Variants in MIPOL1 observed in about 807,000 individuals in gnomAD.
MIPOL1 encodes the protein mirror-image polydactyly gene 1 protein.
A neutral mutation model predicts 60.9 loss-of-function variants in MIPOL1; 57 were observed. The ratio of observed to expected loss-of-function variants is 0.94; its 90% CI spans 0.76 to 1.17. The LOEUF is 1.17. MIPOL1 is among the 50% of genes most tolerant of loss of function. The pLI, the probability that MIPOL1 is intolerant of heterozygous loss-of-function variation, is 0.00. For synonymous variants in MIPOL1, 179 were observed against 168.8 expected, an observed-to-expected ratio of 1.06 and a Z score of -0.47; for missense variants, 551 against 511.6, an observed-to-expected ratio of 1.08 and a Z score of -0.74.
intron 11 of MIPOL1, among the ~76,000 whole-genome samples, chr14:37,432,336 A>G (rs1385418387): frequency 6.6e-6 from 1 of 152,170 alleles, no homozygotes; most frequent in African/African-American, 2.4e-5. Context: ...TCTGTTCTTT[A>G]TGTATAGCAA....
chr14:37,242,534 G>T (rs959000265), intron 1 of MIPOL1, among the ~76,000 whole-genome samples: 6 of 152,018 alleles, frequency 3.9e-5, no homozygotes. Context: ...TTGCATTTAT[G>T]ATATAAACCA....
intron 11 of MIPOL1, among the ~76,000 whole-genome samples, chr14:37,486,687 G>C (rs941911189): frequency 1.3e-5 from 2 of 152,140 alleles, no homozygotes; most frequent in South Asian, 2.1e-4. Flanking sequence ...TGTATCCTGA[G>C]ACTTTGCTGA....
intron 7 of MIPOL1, among the ~76,000 whole-genome samples, chr14:37,307,689 CA>C (rs999244270): frequency 6.6e-6 from 1 of 151,086 alleles, no homozygotes; most frequent in African/African-American, 2.4e-5. Context: ...TGATGGTGTC[CA>C]AAAAAAGAGA....
At chr14:37,523,865 A>G (rs554304808) in intron 12 of MIPOL1, among the ~76,000 whole-genome samples, 52 of 152,286 alleles carry the variant, frequency 3.4e-4, no homozygotes, top group South Asian at 8.3e-4. Context: ...GCAGATTAAG[A>G]TTTGTGGTAA....
intron 11 of MIPOL1, among the ~76,000 whole-genome samples, chr14:37,439,075 G>C (rs1003784113): frequency 6.6e-6 from 1 of 152,154 alleles, no homozygotes; most frequent in Non-Finnish European, 1.5e-5. Flanking sequence ...GTTAACAGAG[G>C]ATAAGATGCA....
At chr14:37,324,000 A>G (rs2088889975) in intron 9 of MIPOL1, among the ~76,000 whole-genome samples, 1 of 152,014 alleles carries the variant, frequency 6.6e-6, no homozygotes, top group Non-Finnish European at 1.5e-5. Context: ...GTTTTTATCT[A>G]TTATGATTAA....
chr14:37,208,425 A>G (rs1261100516), intron 1 of MIPOL1, among the ~76,000 whole-genome samples: 1 of 152,184 alleles, frequency 6.6e-6, no homozygotes, highest in Non-Finnish European at 1.5e-5. Flanking sequence ...AATAAATAAT[A>G]TAGAGAAATT....
At chr14:37,247,765 A>G (rs554621748) in intron 2 of MIPOL1, 64 bp from the exon 3 acceptor site, 7 of 804,074 alleles carry the variant, frequency 8.7e-6, no homozygotes, top group African/African-American at 7.2e-5. Flanking sequence ...AAACAAAGGT[A>G]AGATTTAGGT....
intron 11 of MIPOL1, among the ~76,000 whole-genome samples, chr14:37,455,659 A>G (rs967986853): frequency 1.3e-5 from 2 of 151,986 alleles, no homozygotes; most frequent in Non-Finnish European, 2.9e-5. Context: ...TCACCAGTCA[A>G]ATTAGGTGTG....
intron 12 of MIPOL1, among the ~76,000 whole-genome samples, chr14:37,537,701 T>C (rs567170704): frequency 2.6e-5 from 4 of 152,316 alleles, no homozygotes; most frequent in Non-Finnish European, 2.9e-5. Flanking sequence ...ATTTTGGAAT[T>C]CACGATTTGG....
intron 1 of MIPOL1, chr14:37,212,365 C>A (rs1003732000): frequency 6.6e-6 from 1 of 152,130 alleles, no homozygotes; most frequent in African/African-American, 2.4e-5. Flanking sequence ...GGGTGAGTCA[C>A]AACCCAGAAA....
At chr14:37,534,780 C>T (rs1030813186) in intron 12 of MIPOL1, among the ~76,000 whole-genome samples, 15 of 152,254 alleles carry the variant, frequency 9.9e-5, no homozygotes, top group African/African-American at 3.6e-4. Flanking sequence ...TCTTCTGTTA[C>T]GTACTTTCCT....
At chr14:37,422,173 C>T (rs1041195723) in intron 10 of MIPOL1, among the ~76,000 whole-genome samples, 9 of 151,826 alleles carry the variant, frequency 5.9e-5, no homozygotes, top group Non-Finnish European at 8.8e-5. Context: ...TACGTTGAAC[C>T]TCATTGAAAA....
intron 11 of MIPOL1, among the ~76,000 whole-genome samples, chr14:37,433,023 C>A (rs1020656450): frequency 6.6e-6 from 1 of 152,140 alleles, no homozygotes; most frequent in Admixed American, 6.5e-5. Context: ...AGCAAGCCAT[C>A]GGGCTGGAAA....
chr14:37,442,088 T>TTGTGTGTG lies in MIPOL1; in HGVS notation c.1031+19175_1031+19182dup, dbSNP rs3985271. Among the ~76,000 whole-genome samples the TTGTGTGTG allele has an allele frequency of 4.0e-4, 57 of 143,818 alleles. 1 individual carries two copies. The highest frequency in any genetic ancestry group is 3.6e-3 in the East Asian group (17 of 4,768). 94.4% of individuals were successfully genotyped at this position (143,818 alleles called of 152,430 possible). ...AAAGTTTCATTCTCTTTCTACTTTG[T>TTGTGTGTG]TGTGTGTGTGTGTGTGTGTGTGTGT... On this transcript the variant is annotated intron_variant, in intron 11 of 12. Transcript: ENST00000684589.
At chr14:37,292,069 G>A (rs1009445461) in intron 7 of MIPOL1, among the ~76,000 whole-genome samples, 1 of 151,800 alleles carries the variant, frequency 6.6e-6, no homozygotes, top group Non-Finnish European at 1.5e-5. Context: ...GGGGCTACAG[G>A]CGCCTGCCAC....
intron 9 of MIPOL1, among the ~76,000 whole-genome samples, chr14:37,338,216 C>T (rs976045993): frequency 2.0e-5 from 3 of 151,012 alleles, no homozygotes; most frequent in African/African-American, 4.9e-5. Context: ...ACGCCATTCT[C>T]CTGCCTCAGC....
intron 7 of MIPOL1, among the ~76,000 whole-genome samples, chr14:37,302,692 C>G (rs1401111990): frequency 6.7e-6 from 1 of 149,204 alleles, no homozygotes; most frequent in Non-Finnish European, 1.5e-5. Context: ...GTTGGAAAGG[C>G]TGTCATTTCT....
intron 9 of MIPOL1, among the ~76,000 whole-genome samples, chr14:37,347,940 T>C (rs1374868487): frequency 6.6e-6 from 1 of 152,182 alleles, no homozygotes; most frequent in Non-Finnish European, 1.5e-5. Flanking sequence ...ATTCATGGGG[T>C]ACATGTGCAG....
Sources: gnomAD v4.1 joint callset for allele counts (sites outside exome capture counted in the v4.1 genomes callset) on GRCh38, gnomAD v4.1.1 for gene constraint, MANE v1.5 for transcripts, NCBI Gene and HGNC (gene_info 2026-07-23, HGNC 2026-07-21) for gene names.